Variants in ATP11B observed in about 807,000 individuals in gnomAD.
The protein encoded by ATP11B is ATPase phospholipid transporting 11B (putative).
A neutral mutation model predicts 157.8 loss-of-function variants in ATP11B; 81 were observed. The ratio of observed to expected loss-of-function variants is 0.51; its 90% CI spans 0.43 to 0.62. The LOEUF (loss-of-function observed/expected upper bound fraction) is 0.62. ATP11B is among the 20% of genes least tolerant of loss of function. ATP11B has a pLI of 0.00. For synonymous variants in ATP11B, 451 were observed against 469.4 expected, an observed-to-expected ratio of 0.96 and a Z score of 0.51; for missense variants, 1,165 against 1,402.2, an observed-to-expected ratio of 0.83 and a Z score of 2.70.
At chr3:182,843,690 T>G (rs1719234353) in intron 8 of ATP11B, 1 of 152,224 alleles carries the variant, frequency 6.6e-6, no homozygotes, top group Admixed American at 6.5e-5. Flanking sequence ...TAACCTTATT[T>G]GGAATCAATC....
At chr3:182,890,930 C>G (rs900499164) in intron 25 of ATP11B, among the ~76,000 whole-genome samples, 4 of 152,152 alleles carry the variant, frequency 2.6e-5, no homozygotes, top group Middle Eastern at 3.4e-3. Flanking sequence ...GGAGATATAC[C>G]TAATGTAAAT....
chr3:182,817,168 C>T (rs926321277), intron 1 of ATP11B, among the ~76,000 whole-genome samples: 6 of 152,056 alleles, frequency 3.9e-5, no homozygotes, highest in African/African-American at 1.4e-4. Context: ...AAAAGTTTGT[C>T]ATCATTCTCC....
At chr3:182,831,239 C>T (rs1013729799) in intron 4 of ATP11B, among the ~76,000 whole-genome samples, 2 of 152,118 alleles carry the variant, frequency 1.3e-5, no homozygotes, top group African/African-American at 4.8e-5. Context: ...ATGGCACTAC[C>T]ATCCAACCAC....
At position 182,845,466 on chromosome 3, in the gene ATP11B, G is replaced by A. The variant is rs756267967; in HGVS notation, c.713G>A (p.Gly238Glu). Residue 238 changes from glycine to glutamate, a missense_variant, in exon 9 of 30, where the codon GGG (glycine) becomes GAG (glutamate). Around this residue, in one of 4 missense-constraint regions of ATP11B, gnomAD observed 737 missense variants for 930.5 expected, o/e 0.79. Transcript: ENST00000323116. Reference protein sequence around the residue: ...QQMEEIVRPLGPESLLLRGAR... With the variant: ...QQMEEIVRPLEPESLLLRGAR... Reference sequence around the variant, plus strand: ...TTTTCTTTTTTTCCTAGACCTCTGGGGCCGGAGAGTCTCCTGCTTCGTGGA... The same window carrying A: ...TTTTCTTTTTTTCCTAGACCTCTGGAGCCGGAGAGTCTCCTGCTTCGTGGA... The A allele has an allele frequency of 6.3e-7, 1 of 1,597,538 alleles. No individual in the cohort carries two copies. Among genetic ancestry groups the A allele is most frequent in the East Asian group, 2.3e-5 (1 of 44,088 alleles).
chr3:182,819,075 A>AT (rs1400463686), intron 1 of ATP11B, among the ~76,000 whole-genome samples: 1 of 117,668 alleles, frequency 8.5e-6, no homozygotes. Flanking sequence ...TTTTTCTAAT[A>AT]TTTCTTTTTT....
At chr3:182,810,225 A>G (rs1026630126) in intron 1 of ATP11B, among the ~76,000 whole-genome samples, 4 of 152,050 alleles carry the variant, frequency 2.6e-5, no homozygotes, top group African/African-American at 7.2e-5. Flanking sequence ...CCAGCTACTC[A>G]GGAGGCTGAG....
Position 182,884,799 on chromosome 3 carries a change from T to C in ATP11B, c.2556T>C (p.Tyr852=), listed in dbSNP as rs1722689331. 1.2e-6 allele frequency: 2 copies of C among 1,601,090 alleles called. No individual in the cohort carries two copies. Among genetic ancestry groups the C allele is most frequent in the African/African-American group, 1.3e-5 (1 of 74,138 alleles). The change falls in exon 22 of 30, where the codon TAT becomes TAC. Residue 852 remains tyrosine (Y), a synonymous_variant. Transcript: ENST00000323116. ...EGRQAARNSD[Y]AIARFKFLSK... ...GACAGGCTGCAAGAAACAGTGACTA[T>C]GCAATAGCCAGATTTAAGTTCCTCT...
In ATP11B at chr3:182,892,722, T is replaced by A. The variant is rs934436715; in HGVS notation, c.2982+3174T>A. On this transcript the variant is annotated intron_variant, in intron 25 of 29. Coordinates refer to ENST00000323116, the MANE Select transcript of ATP11B (RefSeq NM_014616.3). ...CTCAAATCTTTTTAACAGGCCTTTCTTTCTCTTAGTAAAGTATAAGTCTTG... is the reference window on the plus strand; with the variant it reads ...CTCAAATCTTTTTAACAGGCCTTTCATTCTCTTAGTAAAGTATAAGTCTTG... Among the ~76,000 whole-genome samples the A allele has an allele frequency of 4.0e-4, 61 of 152,226 alleles. 1 individual carries two copies. Among genetic ancestry groups the A allele is most frequent in the Non-Finnish European group, 1.6e-4 (11 of 68,026 alleles).
At chr3:182,891,597 T>C (rs1022264534) in intron 25 of ATP11B, among the ~76,000 whole-genome samples, 3 of 152,188 alleles carry the variant, frequency 2.0e-5, no homozygotes, top group East Asian at 3.8e-4. Flanking sequence ...TTCCCTTAAT[T>C]TGAGGATTTG....
chr3:182,885,537 A>T (rs992833880), intron 22 of ATP11B, among the ~76,000 whole-genome samples: 8 of 152,148 alleles, frequency 5.3e-5, no homozygotes, highest in African/African-American at 1.9e-4. Flanking sequence ...TAATATGAGT[A>T]TATTGAGATG....
In ATP11B at chr3:182,919,146, C is replaced by T. The variant is rs868742078; in HGVS notation, c.*1042C>T. ...AAAAAGAAGAGCCTCTTTCTGCAGC[C>T]GACTTAGACATGCTCTTCCCTTTCT... On this transcript the variant is annotated 3_prime_UTR_variant, in exon 30 of 30. Coordinates refer to ENST00000323116, the MANE Select transcript of ATP11B (RefSeq NM_014616.3). 9.2e-5 allele frequency: 14 copies of T among 152,360 alleles called. No homozygotes were observed. The highest frequency in any genetic ancestry group is 2.7e-4 in the African/African-American group (11 of 41,406). 9.4% of individuals were successfully genotyped at this position (152,360 alleles called of 1,614,324 possible).
At position 182,793,803 on chromosome 3, in the gene ATP11B, C is replaced by G. The variant is rs1715402081; in HGVS notation, c.27+17C>G. On this transcript the variant is annotated intron_variant, in intron 1 of 29. Transcript: ENST00000323116. ...CAGCAGCTGGTAGGTGCCCCCGCCC[C>G]TCCACCTCCATTCGTCCGCCCCCGC... is the stretch of plus-strand genomic sequence containing the variant. 7 of 1,364,662 alleles carry G rather than the reference C, an allele frequency of 5.1e-6. 1 individual carries two copies. The South Asian group carries it at 1.1e-4, about 21-fold the overall frequency. The allele number at this position is 1,364,662 out of a possible 1,614,324, so 84.5% of individuals were successfully genotyped here. A position where few individuals can be genotyped will look rare whatever the true frequency, so the allele number is the denominator to read the frequency against.
intron 15 of ATP11B, among the ~76,000 whole-genome samples, 181 bp downstream of exon 15, chr3:182,867,625 C>A: frequency 1.4e-5 from 2 of 140,676 alleles, no homozygotes; most frequent in South Asian, 2.4e-4. Context: ...GCTCTGTCAC[C>A]CAGGCTGGAG....
At chr3:182,816,298 G>A (rs1384943125) in intron 1 of ATP11B, among the ~76,000 whole-genome samples, 1 of 152,174 alleles carries the variant, frequency 6.6e-6, no homozygotes, top group Non-Finnish European at 1.5e-5. Context: ...ATCTATCTCA[G>A]GTCCTTTGCC....
At chr3:182,889,835 G>A (rs1723059404) in intron 25 of ATP11B, among the ~76,000 whole-genome samples, 2 of 152,116 alleles carry the variant, frequency 1.3e-5, no homozygotes, top group Non-Finnish European at 2.9e-5. Context: ...CTTCACCTTA[G>A]TATTGTGTTT....
At chr3:182,810,831 A>AT (rs889974034) in intron 1 of ATP11B, among the ~76,000 whole-genome samples, 52 of 152,308 alleles carry the variant, frequency 3.4e-4, no homozygotes, top group African/African-American at 1.3e-3. Flanking sequence ...TATAACTTAC[A>AT]TTTTAACATC....
intron 2 of ATP11B, among the ~76,000 whole-genome samples, chr3:182,822,157 T>C (rs1717398126): frequency 6.6e-6 from 1 of 152,008 alleles, no homozygotes; most frequent in Non-Finnish European, 1.5e-5. Context: ...CTAGGGTACA[T>C]GTGCACAGCG....
At position 182,919,674 on chromosome 3, in the gene ATP11B, G is replaced by C. The variant is rs1725343965; in HGVS notation, c.*1570G>C. The stretch of plus-strand genomic sequence containing the variant: ...TTCCTTCCCATTTCATGAATATAAG[G>C]CTTCTAGAATTGGACTGGCAGGGGA... On this transcript the variant is annotated 3_prime_UTR_variant, in exon 30 of 30. Transcript: ENST00000323116. The C allele has an allele frequency of 6.6e-6, 1 of 152,100 alleles. No individual in the cohort carries two copies. The highest frequency in any genetic ancestry group is 6.6e-5 in the Admixed American group (1 of 15,262). 9.4% of individuals were successfully genotyped at this position (152,100 alleles called of 1,614,324 possible). A position where few individuals can be genotyped will look rare whatever the true frequency, so the allele number is the denominator to read the frequency against.
chr3:182,875,417 TTTG>T (rs934032034), intron 19 of ATP11B, among the ~76,000 whole-genome samples: 3 of 141,464 alleles, frequency 2.1e-5, no homozygotes, highest in African/African-American at 6.3e-5. Flanking sequence ...CAGGGGATTT[TTTG>T]TTGTTGTTGT....
Sources: gnomAD v4.1 joint callset for allele counts (sites outside exome capture counted in the v4.1 genomes callset) on GRCh38, gnomAD v4.1.1 for gene constraint, gnomAD v4.1.1 regional missense constraint, MANE v1.5 for transcripts, NCBI Gene and HGNC (gene_info 2026-07-23, HGNC 2026-07-21) for gene names.